The following BLTP3B variants were observed in gnomAD, a reference collection of about 807,000 sequenced individuals.
The protein encoded by BLTP3B is bridge-like lipid transfer protein family member 3B.
chr12:100,057,410 TTACTAA>T, the BLTP3B span, among the ~76,000 whole-genome samples: 30 of 152,110 alleles, frequency 2.0e-4, no homozygotes, highest in Non-Finnish European at 1.2e-4. Context: ...TAATTAACAA[TTACTAA>T]ATATAAGTAG....
chr12:100,129,451 T>C, the BLTP3B span, among the ~76,000 whole-genome samples: 2 of 152,222 alleles, frequency 1.3e-5, no homozygotes, highest in Admixed American at 1.3e-4. Flanking sequence ...ACAACTACTA[T>C]GTACTGCAGT....
the BLTP3B span, chr12:100,060,006 T>C: frequency 8.7e-6 from 14 of 1,609,266 alleles, 1 homozygote; most frequent in South Asian, 5.5e-5. Flanking sequence ...CAGTAAACTG[T>C]AGTGCATTCA....
chr12:100,142,436 A>T, the BLTP3B span, among the ~76,000 whole-genome samples: 2 of 151,916 alleles, frequency 1.3e-5, no homozygotes, highest in African/African-American at 2.4e-5. Flanking sequence ...GCGACAAGAG[A>T]TCCGGGGCCG....
the BLTP3B span, among the ~76,000 whole-genome samples, chr12:100,042,169 C>T: frequency 8.5e-5 from 13 of 152,256 alleles, no homozygotes; most frequent in Admixed American, 5.2e-4. Flanking sequence ...AATGGAAATA[C>T]TCCCCAAATT....
At chr12:100,048,543 A>G in the BLTP3B span, among the ~76,000 whole-genome samples, 1 of 152,122 alleles carries the variant, frequency 6.6e-6, no homozygotes, top group Admixed American at 6.6e-5. Context: ...TAAGTCAGAC[A>G]TTTAAAGTGA....
chr12:100,096,859 C>T, the BLTP3B span, among the ~76,000 whole-genome samples: 1 of 151,988 alleles, frequency 6.6e-6, no homozygotes, highest in Non-Finnish European at 1.5e-5. Flanking sequence ...GCAGGAGGAT[C>T]ACATGACTCC....
chr12:100,063,989 C>T, the BLTP3B span, among the ~76,000 whole-genome samples: 2 of 152,104 alleles, frequency 1.3e-5, no homozygotes, highest in Non-Finnish European at 2.9e-5. Context: ...TTAGGCTAAT[C>T]AGGGAGGCAC....
chr12:100,141,094 T>C, the BLTP3B span, among the ~76,000 whole-genome samples: 4 of 151,982 alleles, frequency 2.6e-5, no homozygotes, highest in Admixed American at 1.3e-4. Context: ...AGGACATAAA[T>C]TAAAAATAGA....
At chr12:100,075,015 CT>C in the BLTP3B span, among the ~76,000 whole-genome samples, 184 of 140,044 alleles carry the variant, frequency 1.3e-3, no homozygotes, top group Middle Eastern at 3.7e-3. Context: ...CTACACCTTC[CT>C]TTTTTTTTTT....
chr12:100,123,294 T>C, the BLTP3B span, among the ~76,000 whole-genome samples: 5 of 152,168 alleles, frequency 3.3e-5, no homozygotes, highest in Non-Finnish European at 4.4e-5. Flanking sequence ...GGGCTTACTA[T>C]AGTCAGGGCA....
At chr12:100,047,953 A>C in the BLTP3B span, 1 of 1,485,916 alleles carries the variant, frequency 6.7e-7, no homozygotes. Flanking sequence ...TTTTAAATTT[A>C]TTTTCGTGTT....
chr12:100,085,484 AATT>A, the BLTP3B span, among the ~76,000 whole-genome samples: 2 of 152,332 alleles, frequency 1.3e-5, no homozygotes, highest in South Asian at 4.1e-4. Context: ...TTCAAAAGAG[AATT>A]ATTATATTGA....
At chr12:100,044,786 T>C in the BLTP3B span, among the ~76,000 whole-genome samples, 1 of 152,122 alleles carries the variant, frequency 6.6e-6, no homozygotes, top group Non-Finnish European at 1.5e-5. Context: ...GGGTATTCAA[T>C]TAGGAAAACA....
the BLTP3B span, among the ~76,000 whole-genome samples, chr12:100,068,911 C>A: frequency 6.6e-6 from 1 of 152,130 alleles, no homozygotes; most frequent in Non-Finnish European, 1.5e-5. Flanking sequence ...ACTAGTACAA[C>A]CACTATGGAA....
At chr12:100,098,334 GA>G in the BLTP3B span, 1 of 1,551,584 alleles carries the variant, frequency 6.4e-7, no homozygotes, top group African/African-American at 1.4e-5. Context: ...ATTTAAAAAA[GA>G]AAGAAAAAAA....
At chr12:100,087,410 A>G in the BLTP3B span, among the ~76,000 whole-genome samples, 2 of 152,214 alleles carry the variant, frequency 1.3e-5, no homozygotes, top group Admixed American at 6.5e-5. Flanking sequence ...TAGAATTTTC[A>G]GCACAGGTCT....
chr12:100,086,121 T>C, the BLTP3B span, among the ~76,000 whole-genome samples: 2 of 152,162 alleles, frequency 1.3e-5, no homozygotes, highest in Middle Eastern at 3.2e-3. Flanking sequence ...ATGGCAATTC[T>C]ACTTTCTTAA....
chr12:100,142,697 C>T, the BLTP3B span: 2 of 1,564,302 alleles, frequency 1.3e-6, no homozygotes. Flanking sequence ...CTCTTCGTGG[C>T]CGTCTCCTCT....
At chr12:100,115,153 C>A in the BLTP3B span, among the ~76,000 whole-genome samples, 1 of 152,214 alleles carries the variant, frequency 6.6e-6, no homozygotes, top group Non-Finnish European at 1.5e-5. Flanking sequence ...CGCCTGTAAT[C>A]TCAGCACTTC....
Sources: gnomAD v4.1 joint callset for allele counts (sites outside exome capture counted in the v4.1 genomes callset) on GRCh38, gnomAD v4.1.1 for gene constraint, MANE v1.5 for transcripts, NCBI Gene and HGNC (gene_info 2026-07-23, HGNC 2026-07-21) for gene names.